USP36: variants seen among roughly 807,000 people sequenced by gnomAD.
The protein encoded by USP36 is ubiquitin carboxyl-terminal hydrolase 36.
USP36 carries 59 observed loss-of-function variants against 111.5 expected under a neutral mutation model. The observed-to-expected ratio is 0.53, with a 90% confidence interval of 0.43 to 0.66. USP36 has a LOEUF of 0.66. Among genes scored for constraint, USP36 ranks in the 30% least tolerant of loss-of-function variants. The probability of loss-of-function intolerance (pLI) is 0.00; values close to 1 mark genes in which losing one functional copy is unlikely to be tolerated. For missense variants in USP36, 1,488 were observed against 1,468.0 expected, an observed-to-expected ratio of 1.01 and a Z score of -0.22; for synonymous variants, 628 against 581.0, an observed-to-expected ratio of 1.08 and a Z score of -1.16.
chr17:78,812,902 C>T lies in USP36; in HGVS notation c.1365G>A (p.Lys455=). 1 of 1,613,742 alleles carries T rather than the reference C, an allele frequency of 6.2e-7. No homozygotes were observed. Among genetic ancestry groups the T allele is most frequent in the Non-Finnish European group, 8.5e-7 (1 of 1,179,958 alleles). The change falls in exon 13 of 21, where the codon AAG becomes AAA. Residue 455 remains lysine, a synonymous_variant. Coordinates refer to ENST00000449938, the MANE Select transcript of USP36 (RefSeq NM_001385174.1). ...AGGAAATAATCCCATTGCCGATGTT[C>T]TTCTTGGAGTGATCTGGAATCACAC... The part of the protein sequence containing the change: ...RPSVIPDHSK[K]NIGNGIISSP...
chr17:78,798,848 T>C lies in USP36; in HGVS notation c.3240+60A>G. 6.3e-7 allele frequency: 1 copy of C among 1,593,098 alleles called. No homozygotes were observed. Among genetic ancestry groups the C allele is most frequent in the South Asian group, 1.1e-5 (1 of 90,502 alleles). ...TGCCGCCACCTCCAACTGCCCCGGCTCTGAGCTGAGCCACGCCGCCCTGCT... is the reference window on the plus strand; with the variant it reads ...TGCCGCCACCTCCAACTGCCCCGGCCCTGAGCTGAGCCACGCCGCCCTGCT... On this transcript the variant is annotated intron_variant, in intron 19 of 20. Transcript: ENST00000449938. The surrounding 1 kb of genome is among the most constrained non-coding windows in gnomAD (Gnocchi z 5.1).
In USP36 at chr17:78,812,844, T is replaced by A. The variant is rs756194766; in HGVS notation, c.1407+16A>T. 8.1e-6 allele frequency: 13 copies of A among 1,611,036 alleles called. No individual in the cohort carries two copies. In the African/African-American group the frequency reaches 1.6e-4, roughly 20 times the overall value. ...CCAAGACCAGCCACTTTGGCCTCCA[T>A]CATTCTCACAAATACCTTTCCAGTC... On this transcript the variant is annotated intron_variant, in intron 13 of 20. Transcript: ENST00000449938.
At chr17:78,826,927 C>T (rs992954290) in intron 6 of USP36, 10 of 599,336 alleles carry the variant, frequency 1.7e-5, no homozygotes, top group African/African-American at 1.1e-4. Flanking sequence ...GAACTGAATG[C>T]CCCTAAGAAG....
At position 78,824,425 on chromosome 17, in the gene USP36, G is replaced by A. The variant is rs138141297; in HGVS notation, c.690-2421C>T. ...ATGAAACCAGCAGGCAGCATGGAGCGTGCCTGCAGTTCCAGTTACTGGGCA... is the reference window on the plus strand; with the variant it reads ...ATGAAACCAGCAGGCAGCATGGAGCATGCCTGCAGTTCCAGTTACTGGGCA... On this transcript the variant is annotated intron_variant, in intron 6 of 20. Transcript: ENST00000449938. Among the ~76,000 whole-genome samples, 422 of 152,274 alleles carry A rather than the reference G, an allele frequency of 2.8e-3. 2 individuals are homozygous for A. The highest frequency in any genetic ancestry group is 8.9e-3 in the African/African-American group (368 of 41,556).
downstream of USP36, among the ~76,000 whole-genome samples, chr17:78,792,641 C>T (rs1008488814): frequency 6.6e-6 from 1 of 152,126 alleles, no homozygotes; most frequent in South Asian, 2.1e-4. Flanking sequence ...TTCTGGTGCT[C>T]ACTTGAGTTT....
At chr17:78,818,241 C>G (rs909066894) in intron 10 of USP36, among the ~76,000 whole-genome samples, 1 of 152,204 alleles carries the variant, frequency 6.6e-6, no homozygotes, top group Non-Finnish European at 1.5e-5. Context: ...GCTCATCACA[C>G]TCATCTGGAG....
In USP36 at chr17:78,798,923, C is replaced by T. The variant is rs370615657; in HGVS notation, c.3225G>A (p.Glu1075=). The change falls in exon 19 of 21, where the codon GAG becomes GAA. Residue 1075 remains glutamate, a synonymous_variant. Coordinates refer to ENST00000449938, the MANE Select transcript of USP36 (RefSeq NM_001385174.1). This position sits in a 1 kb window ranked among gnomAD's most constrained non-coding sequence, Gnocchi z 5.1. ...TETVVDDWDE[E]FDRGKEKKIK... ...CACATCATACCTTCCCTCGGTCAAA[C>T]TCTTCGTCCCAGTCATCAACCACGG... 1 of 1,614,038 alleles carries T rather than the reference C, an allele frequency of 6.2e-7. No homozygotes were observed. The highest frequency in any genetic ancestry group is 1.3e-5 in the African/African-American group (1 of 74,922).
rs1004297497 is a variant in USP36 at position 78,836,331 on chromosome 17, C to T, written c.33G>A (p.Leu11=). Residue 11 remains leucine (L), a synonymous_variant, in exon 3 of 21, where the codon CTG becomes CTA. Transcript: ENST00000449938. MPIVDKLKEA[L]KPGRKDSADD... ...CAGCCGAGTCCTTGCGGCCGGGTTT[C>T]AGGGCCTCCTTCAACTTATCCACTA... 6.2e-7 allele frequency: 1 copy of T among 1,614,196 alleles called. No homozygotes were observed.
At chr17:78,836,718 A>G (rs2068707813) in intron 2 of USP36, among the ~76,000 whole-genome samples, 1 of 152,076 alleles carries the variant, frequency 6.6e-6, no homozygotes, top group Admixed American at 6.6e-5. Context: ...TTTCCTTCCA[A>G]AGGTCATCAC....
rs2093898707 is a variant in USP36 at position 78,806,258 on chromosome 17, T to C, written c.2114A>G (p.Asn705Ser). 2.5e-6 allele frequency: 4 copies of C among 1,613,698 alleles called. No individual in the cohort carries two copies. The highest frequency in any genetic ancestry group is 1.3e-5 in the African/African-American group (1 of 74,868). Residue 705 changes from asparagine to serine, a missense_variant, in exon 15 of 21, where the codon AAT (asparagine) becomes AGT (serine). Coordinates refer to ENST00000449938, the MANE Select transcript of USP36 (RefSeq NM_001385174.1). ...TGAGGGGGGAGGTGGACGGAGGTCA[T>C]TGCCGGTCGCCCTCCACAGGGTGCT... ...KASTLWRATGNDLRPPPPSPS... is the reference protein window; with the variant it reads ...KASTLWRATGSDLRPPPPSPS...
At chr17:78,789,053 C>T (rs539632089) in intron 3 of USP36, among the ~76,000 whole-genome samples, 86 of 151,770 alleles carry the variant, frequency 5.7e-4, no homozygotes, top group Middle Eastern at 3.2e-3. Flanking sequence ...GAAAATTAGC[C>T]GGGCGTGATG....
chr17:78,810,970 C>T (rs993794662), intron 13 of USP36, among the ~76,000 whole-genome samples: 6 of 151,756 alleles, frequency 4.0e-5, no homozygotes, highest in African/African-American at 7.3e-5. Context: ...AAAAATTAGC[C>T]GGGAGTGCTG....
intron 13 of USP36, among the ~76,000 whole-genome samples, chr17:78,810,809 C>T (rs1340454034): frequency 2.0e-5 from 3 of 152,050 alleles, no homozygotes; most frequent in Non-Finnish European, 4.4e-5. Flanking sequence ...GAGAGGAAGA[C>T]GATCCATCAA....
At chr17:78,821,303 C>T (rs2094312524) in intron 7 of USP36, 2 of 416,656 alleles carry the variant, frequency 4.8e-6, no homozygotes, top group Non-Finnish European at 9.0e-6. Context: ...CTGCTGACCA[C>T]CACGTGCGGT....
Position 78,803,794 on chromosome 17 carries a change from C to T in USP36, c.2401G>A (p.Ala801Thr). The T allele has an allele frequency of 6.2e-7, 1 of 1,612,876 alleles. No individual in the cohort carries two copies. The highest frequency in any genetic ancestry group is 8.5e-7 in the Non-Finnish European group (1 of 1,179,994). Residue 801 changes from alanine to threonine, a missense_variant, in exon 16 of 21, where the codon GCC (alanine) becomes ACC (threonine). Coordinates refer to ENST00000449938, the MANE Select transcript of USP36 (RefSeq NM_001385174.1). The surrounding 1 kb of genome is among the most constrained non-coding windows in gnomAD (Gnocchi z 4.6). ...LVSLPHQLPEASEPPQSPSEK... is the reference protein window; with the variant it reads ...LVSLPHQLPETSEPPQSPSEK... ...GAGGGGCTCTGGGGGGGCTCACTGG[C>T]CTCTGGCAACTGGTGTGGAAGAGAC...
intron 3 of USP36, among the ~76,000 whole-genome samples, chr17:78,787,903 C>T (rs1417114852): frequency 3.3e-5 from 5 of 152,158 alleles, no homozygotes; most frequent in Admixed American, 2.6e-4. Flanking sequence ...GGACACAGAA[C>T]GGAAAGATGG....
intron 17 of USP36, among the ~76,000 whole-genome samples, chr17:78,800,037 A>G (rs981610470): frequency 1.3e-5 from 2 of 151,484 alleles, no homozygotes; most frequent in African/African-American, 2.4e-5. Flanking sequence ...TAATGCTTAC[A>G]TGCTTAATTT....
chr17:78,829,085 T>G (rs1278391558), intron 4 of USP36, 78 bp from the exon 5 acceptor site: 1 of 1,257,606 alleles, frequency 8.0e-7, no homozygotes, highest in African/African-American at 1.5e-5. Flanking sequence ...CCCCAAACGT[T>G]AACACAGCCA....
At chr17:78,839,873 A>G (rs1442777754) in intron 1 of USP36, among the ~76,000 whole-genome samples, 2 of 152,222 alleles carry the variant, frequency 1.3e-5, no homozygotes, top group Non-Finnish European at 2.9e-5. Flanking sequence ...CAAGGACAGC[A>G]CAGGCCTCAT....
Sources: allele counts gnomAD v4.1 joint callset (sites outside exome capture counted in the v4.1 genomes callset), GRCh38; gene constraint gnomAD v4.1.1; non-coding constraint Gnocchi (gnomAD v3.1); transcripts MANE v1.5; gene names NCBI Gene and HGNC (gene_info 2026-07-23, HGNC 2026-07-21).